Variants in UGT1A8 observed in about 807,000 individuals in gnomAD.
UGT1A8 encodes the protein UDP-glucuronosyltransferase 1A8.
Under a neutral mutation model 45.3 loss-of-function variants are expected in UGT1A8, and 39 were observed. That is an observed-to-expected ratio of 0.86 (90% confidence interval 0.67 to 1.12). UGT1A8 has a LOEUF of 1.12. UGT1A8 is among the 50% of genes most tolerant of loss of function. The pLI, the probability that UGT1A8 is intolerant of heterozygous loss-of-function variation, is 0.00. For missense variants in UGT1A8, 719 were observed against 664.9 expected (o/e 1.08, Z -0.90); for synonymous variants, 275 against 249.2 (o/e 1.10, Z -0.97).
At chr2:233,667,015 T>C (rs2074093319) in intron 1 of UGT1A8, among the ~76,000 whole-genome samples, 1 of 152,196 alleles carries the variant, frequency 6.6e-6, no homozygotes, top group African/African-American at 2.4e-5. Flanking sequence ...TTCCATGGTG[T>C]GTATGTGCCA....
chr2:233,646,439 G>A (rs1023389656), intron 1 of UGT1A8, among the ~76,000 whole-genome samples: 7 of 152,158 alleles, frequency 4.6e-5, no homozygotes, highest in Non-Finnish European at 7.3e-5. Context: ...TTTTCAGGCT[G>A]CAAATTTTCC....
intron 1 of UGT1A8, among the ~76,000 whole-genome samples, chr2:233,744,831 G>T (rs1406769887): frequency 6.6e-6 from 1 of 151,816 alleles, no homozygotes; most frequent in Non-Finnish European, 1.5e-5. Flanking sequence ...TTTGAGAATC[G>T]CTAGTCTAGC....
intron 1 of UGT1A8, chr2:233,693,799 G>T (rs1193505615): frequency 6.2e-7 from 1 of 1,614,036 alleles, no homozygotes; most frequent in Non-Finnish European, 8.5e-7. Flanking sequence ...AATATCCTAG[G>T]CCGGTCATGC....
At chr2:233,741,525 C>T (rs916484362) in intron 1 of UGT1A8, 1 of 151,902 alleles carries the variant, frequency 6.6e-6, no homozygotes, top group South Asian at 2.1e-4. Context: ...CCTTAACAGT[C>T]TGTCTTATTC....
intron 1 of UGT1A8, chr2:233,682,463 T>A: frequency 6.2e-7 from 1 of 1,613,942 alleles, no homozygotes; most frequent in Admixed American, 1.7e-5. Flanking sequence ...ATTTTGCCAC[T>A]ATCTTGAAGA....
At chr2:233,723,413 C>T (rs1262463739) in intron 1 of UGT1A8, among the ~76,000 whole-genome samples, 1 of 133,572 alleles carries the variant, frequency 7.5e-6, no homozygotes, top group Non-Finnish European at 1.6e-5. Flanking sequence ...TTTCACCATA[C>T]TGGTCAGGCT....
intron 1 of UGT1A8, among the ~76,000 whole-genome samples, chr2:233,746,037 G>T (rs1056217183): frequency 1.8e-4 from 28 of 151,826 alleles, no homozygotes; most frequent in Non-Finnish European, 4.1e-4. Flanking sequence ...CTTACTTGCT[G>T]GCTTGGATGC....
Position 233,747,153 on chromosome 2 carries a change from A to G in UGT1A8, c.856-19881A>G, listed in dbSNP as rs1559391866. The G allele has an allele frequency of 3.2e-6, 5 of 1,578,556 alleles. No individual in the cohort carries two copies. The East Asian group carries it at 9.0e-5, about 28-fold the overall frequency. On this transcript the variant is annotated intron_variant, in intron 1 of 4. Transcript: ENST00000373450. Reference sequence around the variant, plus strand: ...CAGTGACAAGGTAATTAAGATGAAGAAAACAAATGTAGGAGGCACAGCGTG... The same window carrying G: ...CAGTGACAAGGTAATTAAGATGAAGGAAACAAATGTAGGAGGCACAGCGTG...
intron 1 of UGT1A8, among the ~76,000 whole-genome samples, chr2:233,676,167 T>C (rs764857188): frequency 4.6e-5 from 7 of 152,250 alleles, no homozygotes; most frequent in Non-Finnish European, 1.0e-4. Flanking sequence ...AAACCATTTG[T>C]GGAAATCATC....
chr2:233,748,553 T>G (rs1693970920), intron 1 of UGT1A8, among the ~76,000 whole-genome samples: 1 of 151,806 alleles, frequency 6.6e-6, no homozygotes, highest in Admixed American at 6.5e-5. Context: ...ACCTAAGCAC[T>G]CGCAGGAAGT....
chr2:233,758,992 G>A (rs561211595), intron 1 of UGT1A8, among the ~76,000 whole-genome samples: 1 of 152,306 alleles, frequency 6.6e-6, no homozygotes, highest in Non-Finnish European at 1.5e-5. Flanking sequence ...CCAGTGGAAT[G>A]AGTACAATTT....
chr2:233,711,694 C>A (rs1421464743), intron 1 of UGT1A8, among the ~76,000 whole-genome samples: 1 of 152,196 alleles, frequency 6.6e-6, no homozygotes, highest in Non-Finnish European at 1.5e-5. Context: ...ATGGGGGTAA[C>A]TTCCTCCCTA....
At chr2:233,727,764 G>T (rs117456176) in intron 1 of UGT1A8, among the ~76,000 whole-genome samples, 2 of 152,186 alleles carry the variant, frequency 1.3e-5, no homozygotes, top group Non-Finnish European at 2.9e-5. Flanking sequence ...CTTGAGCTGG[G>T]TGTCCCCCAG....
chr2:233,693,424 G>A (rs1368569398), intron 1 of UGT1A8: 2 of 1,614,132 alleles, frequency 1.2e-6, no homozygotes, highest in East Asian at 4.5e-5. Flanking sequence ...ACTTCTTTAA[G>A]GAGAGCAAGT....
rs544005700 is a variant in UGT1A8 at position 233,647,279 on chromosome 2, T to C, written c.855+28717T>C. Among the ~76,000 whole-genome samples the C allele has an allele frequency of 2.0e-5, 3 of 152,324 alleles. No homozygotes were observed. In the East Asian group the frequency reaches 5.8e-4, roughly 29 times the overall value. On this transcript the variant is annotated intron_variant, in intron 1 of 4. Transcript: ENST00000373450. Reference sequence around the variant, plus strand: ...GGGACACAGCCAAACCATATCATTATTGAATTTGATTTGCTGAAATATTGT... The same window carrying C: ...GGGACACAGCCAAACCATATCATTACTGAATTTGATTTGCTGAAATATTGT...
intron 1 of UGT1A8, among the ~76,000 whole-genome samples, chr2:233,667,707 A>G (rs1397443986): frequency 6.6e-6 from 1 of 152,234 alleles, no homozygotes; most frequent in Non-Finnish European, 1.5e-5. Context: ...CAGCCCCATC[A>G]AAAAGTGGGT....
intron 1 of UGT1A8, among the ~76,000 whole-genome samples, chr2:233,621,829 C>A (rs1417855697): frequency 1.1e-4 from 16 of 152,092 alleles, no homozygotes. Context: ...TTGCTGCACC[C>A]ATCAACTGAT....
chr2:233,637,566 A>T (rs1266573441), intron 1 of UGT1A8, among the ~76,000 whole-genome samples: 1 of 152,214 alleles, frequency 6.6e-6, no homozygotes, highest in African/African-American at 2.4e-5. Context: ...CCTTCTTGAA[A>T]GTATATGTAA....
At chr2:233,686,680 T>C (rs965383160) in intron 1 of UGT1A8, among the ~76,000 whole-genome samples, 37 of 152,208 alleles carry the variant, frequency 2.4e-4, no homozygotes, top group African/African-American at 8.9e-4. Context: ...ACTCAGGATA[T>C]TCTGGTGGTG....
Sources: gnomAD v4.1 joint callset for allele counts (sites outside exome capture counted in the v4.1 genomes callset) on GRCh38, gnomAD v4.1.1 for gene constraint, MANE v1.5 for transcripts, NCBI Gene and HGNC (gene_info 2026-07-23, HGNC 2026-07-21) for gene names.